Variants in PCDH15 observed in about 807,000 individuals in gnomAD.
PCDH15 encodes the protein protocadherin-15.
In PCDH15, 129 loss-of-function variants were observed where a neutral mutation model predicts 178.5. The ratio of observed to expected loss-of-function variants is 0.72; its 90% CI spans 0.63 to 0.84. PCDH15 has a LOEUF of 0.84. PCDH15 is among the 40% of genes least tolerant of loss of function. PCDH15 has a pLI of 0.00. For missense variants in PCDH15, 2,230 were observed against 2,099.9 expected, an observed-to-expected ratio of 1.06 and a Z score of -1.21; for synonymous variants, 800 against 732.0, an observed-to-expected ratio of 1.09 and a Z score of -1.50.
chr10:55,189,653 C>A (rs1324253977), intron 1 of PCDH15, among the ~76,000 whole-genome samples: 2 of 151,778 alleles, frequency 1.3e-5, no homozygotes, highest in East Asian at 3.9e-4. Context: ...CTACAACTTA[C>A]TCCTATTAGC....
intron 21 of PCDH15, among the ~76,000 whole-genome samples, chr10:53,981,053 A>C (rs1251394771): frequency 1.3e-5 from 2 of 152,236 alleles, no homozygotes; most frequent in African/African-American, 4.8e-5. Flanking sequence ...TATCTGTATT[A>C]ACATGAATAA....
At chr10:54,271,911 G>T (rs2058069001) in intron 8 of PCDH15, among the ~76,000 whole-genome samples, 1 of 149,422 alleles carries the variant, frequency 6.7e-6, no homozygotes, top group Non-Finnish European at 1.5e-5. Flanking sequence ...CACATCATCT[G>T]TTTGTCATCC....
At chr10:55,062,234 T>G (rs1394989134) in intron 2 of PCDH15, among the ~76,000 whole-genome samples, 1 of 152,172 alleles carries the variant, frequency 6.6e-6, no homozygotes, top group Non-Finnish European at 1.5e-5. Context: ...ATTCCCAAGA[T>G]AACTCTTTTG....
intron 2 of PCDH15, among the ~76,000 whole-genome samples, chr10:54,558,425 C>T (rs576009292): frequency 3.3e-5 from 5 of 152,182 alleles, no homozygotes; most frequent in East Asian, 1.9e-4. Flanking sequence ...ACATGCATCT[C>T]GCTCTGCCCA....
At chr10:55,216,873 A>T (rs1354728343) in intron 1 of PCDH15, among the ~76,000 whole-genome samples, 3 of 151,812 alleles carry the variant, frequency 2.0e-5, no homozygotes, top group Non-Finnish European at 4.4e-5. Context: ...CCTAATAGAC[A>T]TTTGTTTTTT....
At chr10:54,867,198 AGT>A (rs1165358442) in intron 3 of PCDH15, among the ~76,000 whole-genome samples, 1 of 152,170 alleles carries the variant, frequency 6.6e-6, no homozygotes, top group East Asian at 1.9e-4. Flanking sequence ...GAGAATAAAC[AGT>A]GTGCTTTCAG....
chr10:54,285,188 G>T (rs2058958421), intron 8 of PCDH15, among the ~76,000 whole-genome samples: 1 of 151,680 alleles, frequency 6.6e-6, no homozygotes, highest in Non-Finnish European at 1.5e-5. Flanking sequence ...ATTGGTCTAG[G>T]CACAGGTTTT....
chr10:54,536,723 A>G (rs978327293), intron 2 of PCDH15, among the ~76,000 whole-genome samples: 1 of 148,888 alleles, frequency 6.7e-6, no homozygotes, highest in African/African-American at 2.5e-5. Flanking sequence ...TTTAGCTGCT[A>G]CATATAAGTG....
At chr10:55,449,642 A>G (rs1020612389) in intron 2 of PCDH15, among the ~76,000 whole-genome samples, 2 of 152,198 alleles carry the variant, frequency 1.3e-5, no homozygotes. Context: ...TATGATAGGA[A>G]TAATAAAATT....
At chr10:55,537,947 A>G (rs151195709) in intron 2 of PCDH15, among the ~76,000 whole-genome samples, 2 of 152,336 alleles carry the variant, frequency 1.3e-5, no homozygotes, top group Admixed American at 6.5e-5. Context: ...TAATTTAAGA[A>G]TTAAGCAAAT....
intron 20 of PCDH15, among the ~76,000 whole-genome samples, chr10:54,017,769 A>G (rs2092788806): frequency 6.6e-6 from 1 of 152,128 alleles, no homozygotes; most frequent in African/African-American, 2.4e-5. Context: ...AACAAATGTG[A>G]ACATGTAATG....
chr10:55,036,537 T>C (rs1591849744), intron 2 of PCDH15, among the ~76,000 whole-genome samples: 1 of 152,228 alleles, frequency 6.6e-6, no homozygotes, highest in East Asian at 1.9e-4. Context: ...ATGGTCCCGC[T>C]CACATTTCAG....
intron 25 of PCDH15, among the ~76,000 whole-genome samples, chr10:53,918,713 AACAC>A (rs5741702): frequency 0.11 from 16,200 of 146,084 alleles, 926 homozygotes; most frequent in Non-Finnish European, 0.17. Context: ...CAAATACACA[AACAC>A]ACACACACAC....
chr10:54,247,892 A>G (rs1422290341), intron 8 of PCDH15, among the ~76,000 whole-genome samples: 2 of 149,472 alleles, frequency 1.3e-5, no homozygotes, highest in Non-Finnish European at 1.5e-5. Context: ...ATATGTATAT[A>G]TATATATCTA....
chr10:53,973,621 C>T (rs1282684541), intron 21 of PCDH15, among the ~76,000 whole-genome samples: 2 of 152,108 alleles, frequency 1.3e-5, no homozygotes, highest in Admixed American at 1.3e-4. Context: ...TGGTTCCGTA[C>T]TCTCATCAAC....
intron 11 of PCDH15, among the ~76,000 whole-genome samples, chr10:54,187,670 G>A (rs920481206): frequency 1.3e-5 from 2 of 151,796 alleles, no homozygotes; most frequent in East Asian, 1.9e-4. Flanking sequence ...TGCTTTTTGT[G>A]AAGAAGATAA....
intron 1 of PCDH15, among the ~76,000 whole-genome samples, chr10:55,238,022 C>A (rs1841433303): frequency 6.6e-6 from 1 of 151,954 alleles, no homozygotes; most frequent in South Asian, 2.1e-4. Context: ...TTTAAATACA[C>A]AACCTGCAGT....
At chr10:53,959,307 C>G (rs1279038100) in intron 23 of PCDH15, among the ~76,000 whole-genome samples, 1 of 150,752 alleles carries the variant, frequency 6.6e-6, no homozygotes, top group Non-Finnish European at 1.5e-5. Flanking sequence ...TTTACACACA[C>G]AAACGTACAC....
intron 2 of PCDH15, among the ~76,000 whole-genome samples, chr10:54,552,890 A>G (rs34998495): frequency 0.08 from 12,245 of 152,212 alleles, 707 homozygotes; most frequent in Non-Finnish European, 0.12. Context: ...TTTCCATGAA[A>G]TGCCTACAGA....
Sources: allele counts gnomAD v4.1 joint callset (sites outside exome capture counted in the v4.1 genomes callset), GRCh38; gene constraint gnomAD v4.1.1; transcripts MANE v1.5; gene names NCBI Gene and HGNC (gene_info 2026-07-23, HGNC 2026-07-21).